The following UNK variants were observed in gnomAD, a reference collection of about 807,000 sequenced individuals.
UNK encodes the protein RING finger protein unkempt homolog.
Under a neutral mutation model 97.6 loss-of-function variants are expected in UNK, and 32 were observed. The observed-to-expected ratio is 0.33, with a 90% CI of 0.25 to 0.44. The LOEUF is 0.44. Among genes scored for constraint, UNK ranks in the 20% least tolerant of loss-of-function variants. UNK has a pLI of 1.00. For synonymous variants in UNK, 441 were observed against 461.2 expected, an observed-to-expected ratio of 0.96 and a Z score of 0.56; for missense variants, 771 against 1,098.4, an observed-to-expected ratio of 0.70 and a Z score of 4.21.
chr17:75,803,092 C>G (rs927843274), intron 1 of UNK, among the ~76,000 whole-genome samples: 4 of 118,318 alleles, frequency 3.4e-5, no homozygotes, highest in African/African-American at 1.4e-4. Flanking sequence ...GAAACCTCGT[C>G]TCTACTAAAA....
chr17:75,784,994 G>GCCCCCCCCCCCC lies in UNK; in HGVS notation c.104+12_104+23dup, dbSNP rs11335367. ...AACCGCAGCACTACACGTACGTAGA[G>GCCCCCCCCCCCC]CCCCCCCCCCCCCGCCGCGCGCGCA... On this transcript the variant is annotated intron_variant, in intron 1 of 15. Coordinates refer to ENST00000589666, the MANE Select transcript of UNK (RefSeq NM_001080419.3). The GCCCCCCCCCCCC allele has an allele frequency of 3.0e-6, 3 of 987,888 alleles. No individual in the cohort carries two copies. The highest frequency in any genetic ancestry group is 4.9e-5 in the Admixed American group (1 of 20,422). 61.2% of individuals were successfully genotyped at this position (987,888 alleles called of 1,614,324 possible). A position where few individuals can be genotyped will look rare whatever the true frequency, so the allele number is the denominator to read the frequency against.
Position 75,818,509 on chromosome 17 carries a change from A to G in UNK, c.1372-133A>G. The G allele has an allele frequency of 9.2e-7, 1 of 1,082,546 alleles. No individual in the cohort carries two copies. The highest frequency in any genetic ancestry group is 1.6e-5 in the South Asian group (1 of 61,158). 67.1% of individuals were successfully genotyped at this position (1,082,546 alleles called of 1,614,324 possible). ...CAAGGTGTCGGGTGTGCCGGGGCCC[A>G]TGTGGGCATGGGGGCACCCGGACTA... On this transcript the variant is annotated intron_variant, in intron 10 of 15. Transcript: ENST00000589666. The surrounding 1 kb of genome is among the most constrained non-coding windows in gnomAD (Gnocchi z 5.1).
At position 75,818,526 on chromosome 17, in the gene UNK, C is replaced by T. The variant is rs529713885; in HGVS notation, c.1372-116C>T. 4 of 1,255,990 alleles carry T rather than the reference C, an allele frequency of 3.2e-6. No homozygotes were observed. The highest frequency in any genetic ancestry group is 2.7e-5 in the Admixed American group (1 of 36,698). 77.8% of individuals were successfully genotyped at this position (1,255,990 alleles called of 1,614,324 possible). On this transcript the variant is annotated intron_variant, in intron 10 of 15. Coordinates refer to ENST00000589666, the MANE Select transcript of UNK (RefSeq NM_001080419.3). The surrounding 1 kb of genome is among the most constrained non-coding windows in gnomAD (Gnocchi z 5.1). ...CGGGGCCCATGTGGGCATGGGGGCA[C>T]CCGGACTAGAGCTAGCACGGGCCAT...
chr17:75,789,141 C>T lies in UNK; in HGVS notation c.104+4157C>T, dbSNP rs1599355633. Among the ~76,000 whole-genome samples, 3 of 151,756 alleles carry T rather than the reference C, an allele frequency of 2.0e-5. No homozygotes were observed. In the South Asian group the frequency reaches 6.2e-4, roughly 32 times the overall value. Reference sequence around the variant, plus strand: ...TTTTCTAAACTCTTGAATAATCTTGCTTTAAGGGAAACTTTGGAATAATCC... The same window carrying T: ...TTTTCTAAACTCTTGAATAATCTTGTTTTAAGGGAAACTTTGGAATAATCC... On this transcript the variant is annotated intron_variant, in intron 1 of 15. Transcript: ENST00000589666.
chr17:75,791,634 C>T (rs1203191616), intron 1 of UNK: 4 of 620,708 alleles, frequency 6.4e-6, no homozygotes, highest in African/African-American at 2.0e-5. Context: ...ACAAAATCCC[C>T]GTTAAGTGTT....
In UNK at chr17:75,815,247, G is replaced by A. The variant is rs555616231; in HGVS notation, c.955G>A (p.Val319Ile). The change falls in exon 7 of 16, where the codon GTA becomes ATA. Residue 319 changes from valine (V) to isoleucine (I), a missense_variant. Val to Ile is a conservative substitution (Grantham distance 29). Transcript: ENST00000589666. ...AGGACCCTTCTGCGCCTTTGCCCAC[G>A]TAGAACGTATGCTGTTCCCATTGCC... ...PRGPFCAFAH[V>I]EQPPLSDDLQ... 34 of 1,613,096 alleles carry A rather than the reference G, an allele frequency of 2.1e-5. No individual in the cohort carries two copies. The Admixed American group carries it at 2.8e-4, about 13-fold the overall frequency.
intron 1 of UNK, among the ~76,000 whole-genome samples, chr17:75,799,098 G>C (rs1165001812): frequency 6.6e-6 from 1 of 151,724 alleles, no homozygotes; most frequent in Non-Finnish European, 1.5e-5. Context: ...GTTGCTGGAG[G>C]TCAGGAGTTT....
chr17:75,812,044 C>T, intron 2 of UNK, 68 bp from the exon 3 acceptor site: 1 of 1,497,708 alleles, frequency 6.7e-7, no homozygotes, highest in Non-Finnish European at 9.0e-7. Context: ...GGGGTAAGGG[C>T]AGGGGGTAGG....
In UNK at chr17:75,786,266, C is replaced by T. The variant is rs1329584774; in HGVS notation, c.104+1282C>T. On this transcript the variant is annotated intron_variant, in intron 1 of 15. Coordinates refer to ENST00000589666, the MANE Select transcript of UNK (RefSeq NM_001080419.3). ...TGGTGAGATGTTCTTAGCTCAAAGA[C>T]TACTGATGAGTTGAATGGTGTAGTC... Among the ~76,000 whole-genome samples, 5 of 152,298 alleles carry T rather than the reference C, an allele frequency of 3.3e-5. No homozygotes were observed. In the East Asian group the frequency reaches 9.6e-4, roughly 29 times the overall value.
chr17:75,809,660 G>T, intron 1 of UNK, 100 bp from the exon 2 acceptor site: 1 of 1,323,072 alleles, frequency 7.6e-7, no homozygotes, highest in Non-Finnish European at 1.0e-6. Context: ...TAGCACCCCA[G>T]AGCAGGGCCC....
At position 75,824,051 on chromosome 17, in the gene UNK, AGGGGT is replaced by A. The variant is rs72276782; in HGVS notation, c.2278-207_2278-203del. ...AATGAGACTGGGCGAAGCCTCTCTGAGGGGTGGGTCTTGTGGCAGCCTGGCCATGC... is the reference window on the plus strand; with the variant it reads ...AATGAGACTGGGCGAAGCCTCTCTGAGGGTCTTGTGGCAGCCTGGCCATGC... On this transcript the variant is annotated intron_variant, in intron 15 of 15. Coordinates refer to ENST00000589666, the MANE Select transcript of UNK (RefSeq NM_001080419.3). The surrounding 1 kb of genome is among the most constrained non-coding windows in gnomAD (Gnocchi z 4.9). 0.032 allele frequency among the ~76,000 whole-genome samples: 4,858 copies of A among 152,220 alleles called. 260 individuals carry two copies. The highest frequency in any genetic ancestry group is 0.28 in the East Asian group (1,452 of 5,152).
At chr17:75,802,195 T>G (rs887091305) in intron 1 of UNK, among the ~76,000 whole-genome samples, 1 of 150,962 alleles carries the variant, frequency 6.6e-6, no homozygotes, top group Admixed American at 6.6e-5. Context: ...AATCTTGTGA[T>G]AAGTGCTTTG....
rs746738349 is a variant in UNK, at chr17:75,819,827, G to A, written c.1648+42G>A. 1.7e-5 allele frequency: 27 copies of A among 1,611,906 alleles called. No homozygotes were observed. Among genetic ancestry groups the A allele is most frequent in the African/African-American group, 2.7e-5 (2 of 75,042 alleles). On this transcript the variant is annotated intron_variant, in intron 12 of 15. Transcript: ENST00000589666. The surrounding 1 kb of genome is among the most constrained non-coding windows in gnomAD (Gnocchi z 5.4). ...GGCAGGGCAGCCTGGAGGACTCCTCGGGTTCCTGCCTGGCTCAGGCCCCTT... is the reference window on the plus strand; with the variant it reads ...GGCAGGGCAGCCTGGAGGACTCCTCAGGTTCCTGCCTGGCTCAGGCCCCTT...
Position 75,818,240 on chromosome 17 carries a change from G to A in UNK, c.1371+72G>A, listed in dbSNP as rs1330040628. ...TGGCCCAGAACCCCAGGAGGCTTCGGGGAGTGGGAGGCACCACTTTTCCCA... is the reference window on the plus strand; with the variant it reads ...TGGCCCAGAACCCCAGGAGGCTTCGAGGAGTGGGAGGCACCACTTTTCCCA... On this transcript the variant is annotated intron_variant, in intron 10 of 15. Transcript: ENST00000589666. This position sits in a 1 kb window ranked among gnomAD's most constrained non-coding sequence, Gnocchi z 5.1. 2.0e-6 allele frequency: 3 copies of A among 1,537,336 alleles called. No individual in the cohort carries two copies. The highest frequency in any genetic ancestry group is 1.8e-6 in the Non-Finnish European group (2 of 1,122,724).
chr17:75,808,314 T>C (rs1392757424), intron 1 of UNK, among the ~76,000 whole-genome samples: 2 of 152,158 alleles, frequency 1.3e-5, no homozygotes, highest in Admixed American at 6.5e-5. Context: ...CAGAAGAGCA[T>C]CAGGCCATAG....
intron 1 of UNK, chr17:75,791,683 C>G: frequency 9.4e-6 from 9 of 953,420 alleles, no homozygotes; most frequent in Non-Finnish European, 1.1e-5. Context: ...AACTTAACAC[C>G]TAGTTGATAT....
intron 1 of UNK, among the ~76,000 whole-genome samples, chr17:75,786,764 G>C (rs2061715661): frequency 6.6e-6 from 1 of 152,172 alleles, no homozygotes; most frequent in South Asian, 2.1e-4. Context: ...GGCTGAGGCA[G>C]GAGAATCGCT....
rs758297091 is a variant in UNK at position 75,824,274 on chromosome 17, A to C, written c.2290A>C (p.Met764Leu). The change falls in exon 16 of 16, where the codon ATG (methionine) becomes CTG (leucine). Residue 764 changes from methionine (M) to leucine (L), a missense_variant. Around this residue, in one of 5 missense-constraint regions of UNK, gnomAD observed 208 missense variants for 257.4 expected, o/e 0.81. Transcript: ENST00000589666. This position sits in a 1 kb window ranked among gnomAD's most constrained non-coding sequence, Gnocchi z 4.9. ...CCTTTCCCTGCAGGCCGTGTTCCAC[A>C]TGCAGTCGGTGAAATGCCTTAAGTG... ...LEQVDKAVFH[M>L]QSVKCLKCQE... The C allele has an allele frequency of 6.3e-7, 1 of 1,599,544 alleles. No homozygotes were observed. The highest frequency in any genetic ancestry group is 1.4e-5 in the African/African-American group (1 of 73,822).
chr17:75,804,846 A>T (rs1301607791), intron 1 of UNK, among the ~76,000 whole-genome samples: 1 of 151,450 alleles, frequency 6.6e-6, no homozygotes, highest in African/African-American at 2.4e-5. Context: ...GTCTTAAAAA[A>T]AAAATTAGTA....
Sources: allele counts gnomAD v4.1 joint callset (sites outside exome capture counted in the v4.1 genomes callset), GRCh38; gene constraint gnomAD v4.1.1; regional missense constraint gnomAD v4.1.1; non-coding constraint Gnocchi (gnomAD v3.1); transcripts MANE v1.5; gene names NCBI Gene and HGNC (gene_info 2026-07-23, HGNC 2026-07-21).